The following TLCD1 variants were observed in gnomAD, a reference collection of about 807,000 sequenced individuals.
TLCD1 encodes TLC domain-containing protein 1.
In TLCD1, 21 loss-of-function variants were observed where a neutral mutation model predicts 21.2. The ratio of observed to expected loss-of-function variants is 0.99; its 90% CI spans 0.70 to 1.42. The LOEUF (loss-of-function observed/expected upper bound fraction) is 1.42, where lower values mean the gene tolerates loss of function less well. TLCD1 is among the 40% of genes most tolerant of loss of function. The pLI is 0.00. For synonymous variants in TLCD1, 168 were observed against 134.8 expected, an observed-to-expected ratio of 1.25 and a Z score of -1.71; for missense variants, 344 against 330.3, an observed-to-expected ratio of 1.04 and a Z score of -0.32.
At position 28,726,033 on chromosome 17, in the gene TLCD1, AGCGCCCGGAAGGTCAGCGTG is replaced by A. The variant is rs779763392; in HGVS notation, c.45_64del (p.Thr16ProfsTer49). 5.0e-6 allele frequency: 8 copies of A among 1,590,202 alleles called. No homozygotes were observed. The highest frequency in any genetic ancestry group is 6.8e-6 in the Non-Finnish European group (8 of 1,170,790). ...GGGCAGGCGACAGAGCGCGCGCCGG[AGCGCCCGGAAGGTCAGCGTG>A]GCGCCCAGGAGCAGCGGCAGGGCGG... On this transcript the variant is annotated frameshift_variant, in exon 1 of 4. Transcript: ENST00000292090. LOFTEE classifies it high-confidence loss of function.
At position 28,724,614 on chromosome 17, in the gene TLCD1, G is replaced by C; in HGVS notation, c.640C>G (p.Leu214Val). Residue 214 changes from leucine to valine, a missense_variant, in exon 4 of 4, where the codon CTG (leucine) becomes GTG (valine). Leu to Val is a conservative substitution (Grantham distance 32, BLOSUM62 1). Transcript: ENST00000292090. ...GTFLLGILLM[L>V]DVMIIIYFSR... ...AAGTAGATTATGATCATCACGTCCA[G>C]CATGAGCAGGATACCCAGCAGGAAG... The C allele has an allele frequency of 1.2e-6, 2 of 1,614,192 alleles. No individual in the cohort carries two copies.
At chr17:28,726,817 C>T (rs1379031563), upstream of TLCD1, 1 of 1,547,968 alleles carries the variant, frequency 6.5e-7, no homozygotes, top group Non-Finnish European at 8.7e-7. Context: ...ATCGCCACCT[C>T]TTCCCGCCGG....
At chr17:28,725,647 G>A (rs545853962) in intron 1 of TLCD1, 84 bp from the exon 2 acceptor site, 15 of 1,428,878 alleles carry the variant, frequency 1.0e-5, no homozygotes, top group African/African-American at 1.4e-5. Context: ...AGCCCCGGGG[G>A]ATCCTGGGCT....
At position 28,725,376 on chromosome 17, in the gene TLCD1, G is replaced by A; in HGVS notation, c.288C>T (p.Ile96=). ...TAGCCACGATGTCCACCGTATCGTG[G>A]ATGAAATACCCTAGTGGAGGGATGG... ...LLVCFSAGYF[I]HDTVDIVASG... Residue 96 remains isoleucine, a synonymous_variant, in exon 3 of 4, where the codon ATC becomes ATT. Coordinates refer to ENST00000292090, the MANE Select transcript of TLCD1 (RefSeq NM_138463.4). 6.2e-7 allele frequency: 1 copy of A among 1,614,186 alleles called. No individual in the cohort carries two copies. Among genetic ancestry groups the A allele is most frequent in the South Asian group, 1.1e-5 (1 of 91,084 alleles).
Position 28,725,889 on chromosome 17 carries a change from C to T in TLCD1, c.194+15G>A. The T allele has an allele frequency of 1.2e-6, 2 of 1,610,218 alleles. No individual in the cohort carries two copies. Among genetic ancestry groups the T allele is most frequent in the Non-Finnish European group, 1.7e-6 (2 of 1,178,752 alleles). ...GGATCCCCTGGCCACCTCATTTCCA[C>T]AGTCGCTCACTCACCACAGCAGTGC... On this transcript the variant is annotated intron_variant, in intron 1 of 3. Coordinates refer to ENST00000292090, the MANE Select transcript of TLCD1 (RefSeq NM_138463.4).
chr17:28,725,386 C>T lies in TLCD1; in HGVS notation c.278G>A (p.Gly93Glu). The change falls in exon 3 of 4, where the codon GGG (glycine) becomes GAG (glutamate). Residue 93 changes from glycine (G) to glutamate (E), a missense_variant and splice_region_variant. Gly to Glu is a moderately conservative substitution (Grantham distance 98, BLOSUM62 -2). Coordinates refer to ENST00000292090, the MANE Select transcript of TLCD1 (RefSeq NM_138463.4). ...SGYLLVCFSA[G>E]YFIHDTVDIV... The stretch of plus-strand genomic sequence containing the variant: ...GTCCACCGTATCGTGGATGAAATAC[C>T]CTAGTGGAGGGATGGGGCAAGAGAT... 6.2e-7 allele frequency: 1 copy of T among 1,614,146 alleles called. No homozygotes were observed. Among genetic ancestry groups the T allele is most frequent in the Non-Finnish European group, 8.5e-7 (1 of 1,180,032 alleles).
At chr17:28,726,955 C>G (rs1289679818), upstream of TLCD1, 2 of 749,014 alleles carry the variant, frequency 2.7e-6, no homozygotes, top group East Asian at 2.7e-5. Context: ...GTGACCCGCG[C>G]TCTCCAAGCC....
intron 3 of TLCD1, 85 bp downstream of exon 3, chr17:28,725,219 C>A: frequency 2.0e-6 from 3 of 1,480,406 alleles, no homozygotes; most frequent in Non-Finnish European, 2.8e-6. Flanking sequence ...TAAGAAAACA[C>A]GGCCTTCTCC....
chr17:28,724,360 CT>C lies in TLCD1; in HGVS notation c.*149del. ...AAAGGACAAGGACTTCAGAGGAGTA[CT>C]TTCATTAGTGTTTTCAATAGTGTGG... On this transcript the variant is annotated 3_prime_UTR_variant, in exon 4 of 4. Transcript: ENST00000292090. 1 of 1,024,990 alleles carries C rather than the reference CT, an allele frequency of 9.8e-7. No homozygotes were observed. The highest frequency in any genetic ancestry group is 1.4e-6 in the Non-Finnish European group (1 of 699,250). 63.5% of individuals were successfully genotyped at this position (1,024,990 alleles called of 1,614,324 possible).
Position 28,725,464 on chromosome 17 carries a change from T to C in TLCD1, c.277+17A>G. 6.2e-7 allele frequency: 1 copy of C among 1,614,114 alleles called. No homozygotes were observed. The highest frequency in any genetic ancestry group is 8.5e-7 in the Non-Finnish European group (1 of 1,180,018). On this transcript the variant is annotated intron_variant, in intron 2 of 3. Coordinates refer to ENST00000292090, the MANE Select transcript of TLCD1 (RefSeq NM_138463.4). ...CCCTGTCCCCAATTTGCCTCCCGCT[T>C]CCTGGGCAAGACCTACCCGCAGAGA...
chr17:28,725,968 G>A lies in TLCD1; in HGVS notation c.130C>T (p.Arg44Cys). Residue 44 changes from arginine (R) to cysteine (C), a missense_variant, in exon 1 of 4, where the codon CGC (arginine) becomes TGC (cysteine). Arg to Cys is a radical substitution (Grantham distance 180). Coordinates refer to ENST00000292090, the MANE Select transcript of TLCD1 (RefSeq NM_138463.4). The part of the protein sequence containing the change: ...HVRADPLRTW[R>C]WHNLLVSFAH... ...AAGGAGACGAGCAGGTTGTGCCAGC[G>A]CCAGGTGCGCAGGGGGTCGGCGCGC... 5 of 1,612,446 alleles carry A rather than the reference G, an allele frequency of 3.1e-6. No individual in the cohort carries two copies. Among genetic ancestry groups the A allele is most frequent in the Non-Finnish European group, 4.2e-6 (5 of 1,179,712 alleles).
chr17:28,726,939 G>T, upstream of TLCD1: 1 of 893,258 alleles, frequency 1.1e-6, no homozygotes, highest in Non-Finnish European at 1.8e-6. Flanking sequence ...TGCCGGGACA[G>T]CTGGAGTGAC....
chr17:28,727,001 G>GT, upstream of TLCD1: 1 of 618,974 alleles, frequency 1.6e-6, no homozygotes, highest in Middle Eastern at 4.3e-4. Flanking sequence ...TAGCCACTAG[G>GT]TGTCAGCCTG....
upstream of TLCD1, chr17:28,726,622 C>G: frequency 1.2e-6 from 1 of 850,730 alleles, no homozygotes; most frequent in Non-Finnish European, 1.9e-6. Flanking sequence ...CTGGACGGGA[C>G]CCGACACGCC....
rs775315569 is a variant in TLCD1, at chr17:28,724,773, T to TA, written c.480dup (p.Asn161Ter). The TA allele has an allele frequency of 6.2e-7, 1 of 1,614,006 alleles. No homozygotes were observed. The highest frequency in any genetic ancestry group is 1.3e-5 in the African/African-American group (1 of 74,922). ...CGGTAGAGGAGATGATCCTGGGCAT[T>TA]ACTGATTTTCATCATCATGCGAATG... On this transcript the variant is annotated frameshift_variant, in exon 4 of 4. Transcript: ENST00000292090. LOFTEE classifies it high-confidence loss of function.
chr17:28,725,427 C>T, intron 2 of TLCD1, 41 bp from the exon 3 acceptor site: 1 of 1,613,984 alleles, frequency 6.2e-7, no homozygotes, highest in Non-Finnish European at 8.5e-7. Context: ...ACTGAACAAG[C>T]AGCTTCCTTC....
intron 3 of TLCD1, 43 bp from the exon 4 acceptor site, chr17:28,724,936 A>G (rs370494276): frequency 4.0e-4 from 626 of 1,574,020 alleles, no homozygotes; most frequent in Non-Finnish European, 5.3e-4. Flanking sequence ...CCAGATGCAG[A>G]CGCTTTCCTG....
chr17:28,725,893 C>T lies in TLCD1; in HGVS notation c.194+11G>A, dbSNP rs1160356690. 1 of 1,610,974 alleles carries T rather than the reference C, an allele frequency of 6.2e-7. No homozygotes were observed. Among genetic ancestry groups the T allele is most frequent in the Admixed American group, 1.7e-5 (1 of 59,618 alleles). On this transcript the variant is annotated intron_variant, in intron 1 of 3. Transcript: ENST00000292090. ...CCCCTGGCCACCTCATTTCCACAGT[C>T]GCTCACTCACCACAGCAGTGCCCAG...
chr17:28,726,023 C>T lies in TLCD1; in HGVS notation c.75G>A (p.Ala25=), dbSNP rs1316733505. ...GCACGGGTAGGGGCAGGCGACAGAG[C>T]GCGCGCCGGAGCGCCCGGAAGGTCA... ...ATLTFRALRR[A]LCRLPLPVHV... Residue 25 remains alanine (A), a synonymous_variant, in exon 1 of 4, where the codon GCG becomes GCA. Transcript: ENST00000292090. 2 of 1,595,248 alleles carry T rather than the reference C, an allele frequency of 1.3e-6. No individual in the cohort carries two copies. Among genetic ancestry groups the T allele is most frequent in the Non-Finnish European group, 1.7e-6 (2 of 1,173,076 alleles).
Sources: gnomAD v4.1 joint callset for allele counts on GRCh38, gnomAD v4.1.1 for gene constraint, MANE v1.5 for transcripts, NCBI Gene and HGNC (gene_info 2026-07-23, HGNC 2026-07-21) for gene names.